The following GNPDA2 variants were observed in gnomAD, a reference collection of about 807,000 sequenced individuals.
The protein encoded by GNPDA2 is glcN6P deaminase 2.
In GNPDA2, 24 loss-of-function variants were observed where a neutral mutation model predicts 27.0. That is an observed-to-expected ratio of 0.89 (90% CI 0.64 to 1.25). The LOEUF is 1.25. GNPDA2 is among the 50% of genes most tolerant of loss of function. The pLI, the probability that GNPDA2 is intolerant of heterozygous loss-of-function variation, is 0.00. For synonymous variants in GNPDA2, 94 were observed against 108.4 expected, an observed-to-expected ratio of 0.87 and a Z score of 0.83; for missense variants, 286 against 335.1, an observed-to-expected ratio of 0.85 and a Z score of 1.14.
chr4:44,715,472 G>A (rs1017249328), intron 4 of GNPDA2, among the ~76,000 whole-genome samples: 2 of 152,060 alleles, frequency 1.3e-5, no homozygotes, highest in African/African-American at 4.8e-5. Context: ...TATAGTAAAT[G>A]AGTGAAAACA....
chr4:44,721,969 A>C (rs1053817744), intron 2 of GNPDA2, 115 bp downstream of exon 2: 1 of 767,538 alleles, frequency 1.3e-6, no homozygotes, highest in African/African-American at 1.8e-5. Context: ...ATGATGTTCA[A>C]TTAGTGACAT....
In GNPDA2 at chr4:44,711,116, A is replaced by G; in HGVS notation, c.431T>C (p.Ile144Thr). Residue 144 changes from isoleucine to threonine, a missense_variant, in exon 5 of 7, where the codon ATC becomes ACC. Coordinates refer to ENST00000295448, the MANE Select transcript of GNPDA2 (RefSeq NM_138335.3). ...FVGGIGPDGH[I>T]AFNEPGSSLV... ...ACTGGATCCAGGCTCATTGAAAGCGATATGACCATCTGGACCAATTCCTTT... is the reference window on the plus strand; with the variant it reads ...ACTGGATCCAGGCTCATTGAAAGCGGTATGACCATCTGGACCAATTCCTTT... 3 of 1,603,576 alleles carry G rather than the reference A, an allele frequency of 1.9e-6. No individual in the cohort carries two copies. Among genetic ancestry groups the G allele is most frequent in the Non-Finnish European group, 1.7e-6 (2 of 1,176,056 alleles).
At chr4:44,714,035 G>A (rs1577588986) in intron 4 of GNPDA2, among the ~76,000 whole-genome samples, 2 of 152,124 alleles carry the variant, frequency 1.3e-5, no homozygotes, top group African/African-American at 2.4e-5. Context: ...GCAATGGCAC[G>A]ATATCAGCTC....
intron 6 of GNPDA2, chr4:44,705,015 T>C (rs901275834): frequency 5.2e-5 from 51 of 979,714 alleles, no homozygotes; most frequent in Non-Finnish European, 5.7e-5. Flanking sequence ...TATACCGTTA[T>C]ATAGGTATAT....
intron 1 of GNPDA2, among the ~76,000 whole-genome samples, chr4:44,724,608 T>A (rs551987269): frequency 4.6e-5 from 7 of 152,204 alleles, no homozygotes; most frequent in Non-Finnish European, 8.8e-5. Context: ...AATACCAAGC[T>A]TTTTATAACA....
intron 4 of GNPDA2, among the ~76,000 whole-genome samples, chr4:44,716,485 A>G (rs188680061): frequency 6.8e-6 from 1 of 146,486 alleles, no homozygotes; most frequent in Admixed American, 7.0e-5. Flanking sequence ...GTCATTACAA[A>G]GGAAAAAACT....
At chr4:44,720,469 G>A (rs547877958) in intron 2 of GNPDA2, among the ~76,000 whole-genome samples, 10 of 152,236 alleles carry the variant, frequency 6.6e-5, no homozygotes, top group African/African-American at 2.4e-4. Context: ...AATATGCCTA[G>A]CCCAGTTCTG....
intron 6 of GNPDA2, chr4:44,705,309 C>G (rs1369101850): frequency 2.0e-6 from 2 of 984,198 alleles, no homozygotes; most frequent in East Asian, 2.3e-4. Context: ...ATTTCTCTAC[C>G]CTTTACTAAA....
rs1429533304 is a variant in GNPDA2 at position 44,701,922 on chromosome 4, A to C, written c.*1159T>G. 4 of 983,836 alleles carry C rather than the reference A, an allele frequency of 4.1e-6. No homozygotes were observed. The African/African-American group carries it at 7.0e-5, about 17-fold the overall frequency. The allele number at this position is 983,836 out of a possible 1,614,324, so 60.9% of individuals were successfully genotyped here. A position where few individuals can be genotyped will look rare whatever the true frequency, so the allele number is the denominator to read the frequency against. Reference sequence around the variant, plus strand: ...TAATATTTTAAGAAACTACATTTTAATCACATAGACAAGCAGATAAGTAAG... The same window carrying C: ...TAATATTTTAAGAAACTACATTTTACTCACATAGACAAGCAGATAAGTAAG... On this transcript the variant is annotated 3_prime_UTR_variant, in exon 7 of 7. Transcript: ENST00000295448.
intron 4 of GNPDA2, among the ~76,000 whole-genome samples, chr4:44,711,899 T>C (rs1717007510): frequency 6.6e-6 from 1 of 151,834 alleles, no homozygotes; most frequent in Non-Finnish European, 1.5e-5. Flanking sequence ...TTACCCTTAC[T>C]AGGAACCATA....
At chr4:44,725,050 G>A (rs1717926458) in intron 1 of GNPDA2, among the ~76,000 whole-genome samples, 1 of 152,154 alleles carries the variant, frequency 6.6e-6, no homozygotes, top group African/African-American at 2.4e-5. Context: ...AATAAGGTAA[G>A]GAGGACGAGA....
intron 4 of GNPDA2, among the ~76,000 whole-genome samples, chr4:44,713,840 A>G (rs1717119842): frequency 6.6e-6 from 1 of 152,186 alleles, no homozygotes; most frequent in South Asian, 2.1e-4. Flanking sequence ...AGATCAAGCC[A>G]CTGTACTCCA....
chr4:44,726,471 T>C lies in GNPDA2; in HGVS notation c.-36+3A>G, dbSNP rs946645325. The C allele has an allele frequency of 1.3e-5, 2 of 152,338 alleles. No homozygotes were observed. The highest frequency in any genetic ancestry group is 2.1e-4 in the South Asian group (1 of 4,822). 9.4% of individuals were successfully genotyped at this position (152,338 alleles called of 1,614,324 possible). The stretch of plus-strand genomic sequence containing the variant: ...CCCCCGCCGCACCCCCCGCTAAACT[T>C]ACCGGCAGACCCAATGGTTCTTCGA... On this transcript the variant is annotated splice_donor_region_variant and intron_variant, in intron 1 of 6. Transcript: ENST00000295448.
chr4:44,714,248 T>A (rs1315603368), intron 4 of GNPDA2: 13 of 961,152 alleles, frequency 1.4e-5, no homozygotes, highest in Non-Finnish European at 1.6e-5. Flanking sequence ...GTGCTGGGAT[T>A]ATAGGTGTGA....
intron 6 of GNPDA2, chr4:44,703,545 T>C: frequency 1.0e-6 from 1 of 995,598 alleles, no homozygotes; most frequent in African/African-American, 1.7e-5. Context: ...TCAGAACTGC[T>C]GTCTCACTCT....
At position 44,702,108 on chromosome 4, in the gene GNPDA2, G is replaced by T; in HGVS notation, c.*973C>A. ...TTCACATGTACTATAATTGTTGGGA[G>T]TCGAATGCATGTATTCTTCAGGTTC... On this transcript the variant is annotated 3_prime_UTR_variant, in exon 7 of 7. Coordinates refer to ENST00000295448, the MANE Select transcript of GNPDA2 (RefSeq NM_138335.3). The T allele has an allele frequency of 8.2e-6, 8 of 974,780 alleles. No individual in the cohort carries two copies. The highest frequency in any genetic ancestry group is 9.8e-6 in the Non-Finnish European group (8 of 819,914). 60.4% of individuals were successfully genotyped at this position (974,780 alleles called of 1,614,324 possible).
At chr4:44,707,690 G>T (rs1398426269) in intron 6 of GNPDA2, 62 bp downstream of exon 6, 2 of 1,421,758 alleles carry the variant, frequency 1.4e-6, no homozygotes, top group African/African-American at 1.4e-5. Context: ...CACAGTCACA[G>T]TAAGTTTTAA....
chr4:44,720,048 CA>C (rs1366414563), intron 2 of GNPDA2, among the ~76,000 whole-genome samples: 1 of 151,828 alleles, frequency 6.6e-6, no homozygotes, highest in Non-Finnish European at 1.5e-5. Flanking sequence ...GTTGGAAGAA[CA>C]ATAAAAGAAA....
intron 2 of GNPDA2, among the ~76,000 whole-genome samples, chr4:44,721,316 G>C (rs572451997): frequency 6.6e-6 from 1 of 152,198 alleles, no homozygotes; most frequent in East Asian, 1.9e-4. Context: ...CACTATCTTA[G>C]CTGAATCTCA....
Sources: allele counts gnomAD v4.1 joint callset (sites outside exome capture counted in the v4.1 genomes callset), GRCh38; gene constraint gnomAD v4.1.1; transcripts MANE v1.5; gene names NCBI Gene and HGNC (gene_info 2026-07-23, HGNC 2026-07-21).